PLCB1: variants seen among roughly 807,000 people sequenced by gnomAD.
PLCB1 encodes phospholipase C beta 1.
Under a neutral mutation model 161.8 loss-of-function variants are expected in PLCB1, and 46 were observed. That is an observed-to-expected ratio of 0.28 (90% CI 0.22 to 0.36). The LOEUF (loss-of-function observed/expected upper bound fraction) is 0.36, where lower values mean the gene tolerates loss of function less well. Among genes scored for constraint, PLCB1 ranks in the 10% least tolerant of loss-of-function variants. The probability of loss-of-function intolerance (pLI) is 1.00; values close to 1 mark genes in which losing one functional copy is unlikely to be tolerated. For synonymous variants in PLCB1, 517 were observed against 503.7 expected (o/e 1.03, Z -0.35); for missense variants, 1,016 against 1,472.5 (o/e 0.69, Z 5.07).
intron 3 of PLCB1, among the ~76,000 whole-genome samples, chr20:8,538,674 A>T (rs1442938802): frequency 1.3e-5 from 2 of 151,934 alleles, no homozygotes; most frequent in Non-Finnish European, 2.9e-5. Flanking sequence ...TATGTCAGAC[A>T]TATTAAACAA....
intron 2 of PLCB1, among the ~76,000 whole-genome samples, chr20:8,169,695 A>G (rs2051713937): frequency 6.6e-6 from 1 of 152,182 alleles, no homozygotes; most frequent in Admixed American, 6.5e-5. Context: ...TCTAAGAGTT[A>G]GTAGATCCAC....
Position 8,774,685 on chromosome 20 carries a change from G to A in PLCB1, c.3077G>A (p.Ser1026Asn). The part of the protein sequence containing the change: ...LLNLRQEQYY[S>N]EKYQKREHIK... ...AATCTTCGGCAAGAACAGTATTATA[G>A]TGAAAAATACCAGAAGCGAGAACAT... Residue 1026 changes from serine to asparagine, a missense_variant, in exon 27 of 32, where the codon AGT becomes AAT. By Grantham distance (46) the Ser-to-Asn change is conservative. Around this residue, in one of 10 missense-constraint regions of PLCB1, gnomAD observed 398 missense variants for 445.4 expected, o/e 0.89. Transcript: ENST00000338037. 6.2e-7 allele frequency: 1 copy of A among 1,611,086 alleles called. No individual in the cohort carries two copies. The highest frequency in any genetic ancestry group is 1.7e-5 in the Admixed American group (1 of 59,974).
intron 3 of PLCB1, among the ~76,000 whole-genome samples, chr20:8,560,090 C>G (rs1156666164): frequency 6.6e-6 from 1 of 151,842 alleles, no homozygotes; most frequent in Non-Finnish European, 1.5e-5. Flanking sequence ...TATGAGAATC[C>G]CCTGGGAGGC....
At chr20:8,843,559 C>T (rs1986583807) in intron 31 of PLCB1, among the ~76,000 whole-genome samples, 1 of 151,922 alleles carries the variant, frequency 6.6e-6, no homozygotes, top group African/African-American at 2.4e-5. Context: ...TTTGTGTGTT[C>T]ATTTTTACGT....
intron 2 of PLCB1, among the ~76,000 whole-genome samples, chr20:8,213,773 C>G (rs1460382795): frequency 6.6e-6 from 1 of 151,350 alleles, no homozygotes; most frequent in African/African-American, 2.4e-5. Flanking sequence ...AAAAAGAATG[C>G]TTAGAATTTA....
chr20:8,879,431 C>G (rs1987896089), intron 31 of PLCB1, among the ~76,000 whole-genome samples: 1 of 152,020 alleles, frequency 6.6e-6, no homozygotes, highest in Admixed American at 6.6e-5. Context: ...ATGAGCATAA[C>G]ACTCCAGGCA....
chr20:8,459,863 C>A (rs2022452), intron 3 of PLCB1, among the ~76,000 whole-genome samples: 5,349 of 152,190 alleles, frequency 0.035, 332 homozygotes, highest in African/African-American at 0.12. Flanking sequence ...AATAGGATTT[C>A]CTAGAATTAG....
At chr20:8,695,611 A>T (rs1203263626) in intron 10 of PLCB1, among the ~76,000 whole-genome samples, 2 of 152,160 alleles carry the variant, frequency 1.3e-5, no homozygotes, top group Admixed American at 1.3e-4. Context: ...CTTAGGAAGG[A>T]GGATGACTTG....
chr20:8,343,691 A>G (rs1985895786), intron 2 of PLCB1, among the ~76,000 whole-genome samples: 1 of 152,188 alleles, frequency 6.6e-6, no homozygotes, highest in Non-Finnish European at 1.5e-5. Flanking sequence ...AGTTTTTCAG[A>G]GGCCTGCCCC....
chr20:8,350,585 A>G (rs1030402661), intron 2 of PLCB1, among the ~76,000 whole-genome samples: 1 of 152,210 alleles, frequency 6.6e-6, no homozygotes, highest in African/African-American at 2.4e-5. Context: ...AGAATGATTT[A>G]TATTCCTTTG....
chr20:8,850,567 T>C (rs1803339608), intron 31 of PLCB1, among the ~76,000 whole-genome samples: 1 of 152,352 alleles, frequency 6.6e-6, no homozygotes, highest in South Asian at 2.1e-4. Context: ...TAATCCCTAG[T>C]AAAACAGTAT....
chr20:8,557,197 A>G (rs376861637), intron 3 of PLCB1, among the ~76,000 whole-genome samples: 1 of 151,756 alleles, frequency 6.6e-6, no homozygotes, highest in Non-Finnish European at 1.5e-5. Flanking sequence ...ACTTCCGGGT[A>G]TATATCTCAG....
chr20:8,251,896 C>T (rs1013506911), intron 2 of PLCB1, among the ~76,000 whole-genome samples: 2 of 151,806 alleles, frequency 1.3e-5, no homozygotes, highest in Admixed American at 6.6e-5. Flanking sequence ...ATATTTTTTG[C>T]CATGGACTTA....
In PLCB1 at chr20:8,645,985, A is replaced by C; in HGVS notation, c.385-117A>C. The C allele has an allele frequency of 9.1e-6, 6 of 659,138 alleles. 1 individual carries two copies. The South Asian group carries it at 1.2e-4, about 13-fold the overall frequency. 40.8% of individuals were successfully genotyped at this position (659,138 alleles called of 1,614,324 possible). A position where few individuals can be genotyped will look rare whatever the true frequency, so the allele number is the denominator to read the frequency against. On this transcript the variant is annotated intron_variant, in intron 4 of 31. Coordinates refer to ENST00000338037, the MANE Select transcript of PLCB1 (RefSeq NM_015192.4). Reference sequence around the variant, plus strand: ...AAGGGATAATAATACAAAACAAAACAAAAAACCTTTGGCATGCACATTGAA... The same window carrying C: ...AAGGGATAATAATACAAAACAAAACCAAAAACCTTTGGCATGCACATTGAA...
intron 31 of PLCB1, among the ~76,000 whole-genome samples, chr20:8,823,267 C>G (rs1428934396): frequency 6.6e-6 from 1 of 152,192 alleles, no homozygotes; most frequent in Non-Finnish European, 1.5e-5. Context: ...AGATTACAGG[C>G]ATGCGCCACT....
intron 1 of PLCB1, among the ~76,000 whole-genome samples, chr20:8,144,133 C>T (rs1201761856): frequency 6.6e-6 from 1 of 152,100 alleles, no homozygotes; most frequent in African/African-American, 2.4e-5. Context: ...TCCCCGCCAC[C>T]CCAAAGGCCA....
At chr20:8,635,368 C>A (rs993746182) in intron 4 of PLCB1, among the ~76,000 whole-genome samples, 3 of 152,130 alleles carry the variant, frequency 2.0e-5, no homozygotes, top group African/African-American at 7.2e-5. Flanking sequence ...CACGTACAAT[C>A]TTAGAGTCAT....
At position 8,473,051 on chromosome 20, in the gene PLCB1, C is replaced by T. The variant is rs368610334; in HGVS notation, c.246+101601C>T. ...AAGGAGAAAGAGTATGGACGGTCAC[C>T]AGTGGAAGGTTTCTGTGAATGTGAC... On this transcript the variant is annotated intron_variant, in intron 3 of 31. Transcript: ENST00000338037. Among the ~76,000 whole-genome samples the T allele has an allele frequency of 1.6e-4, 24 of 152,242 alleles. 1 individual carries two copies. In the South Asian group the frequency reaches 2.9e-3, roughly 18 times the overall value.
intron 2 of PLCB1, among the ~76,000 whole-genome samples, chr20:8,271,128 A>G (rs780807990): frequency 4.6e-5 from 7 of 152,128 alleles, no homozygotes; most frequent in Non-Finnish European, 7.4e-5. Context: ...TTTGTCTACA[A>G]TGTTTCACTG....
Sources: allele counts gnomAD v4.1 joint callset (sites outside exome capture counted in the v4.1 genomes callset), GRCh38; gene constraint gnomAD v4.1.1; regional missense constraint gnomAD v4.1.1; transcripts MANE v1.5; gene names NCBI Gene and HGNC (gene_info 2026-07-23, HGNC 2026-07-21).